The following PDZD2 variants were observed in gnomAD, a reference collection of about 807,000 sequenced individuals.
PDZD2 encodes PDZ domain containing 2.
A neutral mutation model predicts 220.7 loss-of-function variants in PDZD2; 90 were observed. The observed-to-expected ratio is 0.41, with a 90% CI of 0.34 to 0.49. The LOEUF is 0.49. Ranked by LOEUF, PDZD2 falls within the 20% of genes least tolerant of loss-of-function variation. The pLI is 0.28. For missense variants in PDZD2, 3,174 were observed against 3,608.5 expected, an observed-to-expected ratio of 0.88 and a Z score of 3.08; for synonymous variants, 1,375 against 1,450.5, an observed-to-expected ratio of 0.95 and a Z score of 1.18.
At chr5:31,942,785 G>A (rs542035707) in intron 2 of PDZD2, among the ~76,000 whole-genome samples, 2 of 152,342 alleles carry the variant, frequency 1.3e-5, no homozygotes, top group South Asian at 2.1e-4. Context: ...GTTCAAACCA[G>A]TGTCAGATGA....
At chr5:32,045,713 C>T (rs566068242) in intron 7 of PDZD2, among the ~76,000 whole-genome samples, 3 of 151,892 alleles carry the variant, frequency 2.0e-5, no homozygotes, top group Non-Finnish European at 4.4e-5. Context: ...AGGTGTGAGT[C>T]ACCGCGCCCA....
intron 6 of PDZD2, among the ~76,000 whole-genome samples, chr5:32,022,183 TTG>T (rs1754252971): frequency 1.1e-5 from 1 of 94,872 alleles, no homozygotes; most frequent in African/African-American, 3.7e-5. Context: ...TTTTGTTTTT[TTG>T]TTTTTTTGTT....
chr5:32,032,416 C>CGGTCGTTCCTTG (rs1755195973), intron 6 of PDZD2, among the ~76,000 whole-genome samples: 1 of 152,178 alleles, frequency 6.6e-6, no homozygotes, highest in Non-Finnish European at 1.5e-5. Flanking sequence ...TTCACTCTCT[C>CGGTCGTTCCTTG]GGTCGTTCCT....
intron 1 of PDZD2, among the ~76,000 whole-genome samples, chr5:31,669,501 C>A (rs925094464): frequency 1.3e-5 from 2 of 152,130 alleles, no homozygotes; most frequent in African/African-American, 2.4e-5. Context: ...GGCCTCATCT[C>A]CCGTGTGGAT....
chr5:31,880,796 T>C (rs1280982138), intron 2 of PDZD2, among the ~76,000 whole-genome samples: 2 of 99,462 alleles, frequency 2.0e-5, no homozygotes, highest in Non-Finnish European at 3.6e-5. Flanking sequence ...TTTTTCTTTT[T>C]TTTTTTTTTT....
At chr5:31,849,392 G>T (rs1757785261) in intron 2 of PDZD2, among the ~76,000 whole-genome samples, 1 of 151,922 alleles carries the variant, frequency 6.6e-6, no homozygotes, top group Non-Finnish European at 1.5e-5. Context: ...GCAAAAAAAT[G>T]AGATAATCTA....
Position 31,934,959 on chromosome 5 carries a change from C to T in PDZD2, c.477-48196C>T, listed in dbSNP as rs187336417. 2.4e-3 allele frequency among the ~76,000 whole-genome samples: 369 copies of T among 151,870 alleles called. 3 individuals carry two copies. Among genetic ancestry groups the T allele is most frequent in the Admixed American group, 0.016 (241 of 15,224 alleles). On this transcript the variant is annotated intron_variant, in intron 2 of 24. Transcript: ENST00000438447. ...AAAAATATCTGGGCATGGTGGCGGG[C>T]GCCTGTAATCCCAGCTACTCCAGGA...
rs75519132 is a variant in PDZD2 at position 31,990,389 on chromosome 5, C to T, written c.979-5187C>T. ...CTCCAACAACATTAGTGCAGAAGTCCATAGCATCCAGTTTTTCAGGGTTTG... is the reference window on the plus strand; with the variant it reads ...CTCCAACAACATTAGTGCAGAAGTCTATAGCATCCAGTTTTTCAGGGTTTG... On this transcript the variant is annotated intron_variant, in intron 3 of 24. Coordinates refer to ENST00000438447, the MANE Select transcript of PDZD2 (RefSeq NM_178140.4). Among the ~76,000 whole-genome samples the T allele has an allele frequency of 5.2e-3, 794 of 152,284 alleles. 9 individuals carry two copies. The highest frequency in any genetic ancestry group is 0.018 in the African/African-American group (746 of 41,540).
At position 31,982,891 on chromosome 5, in the gene PDZD2, A is replaced by G. The variant is rs563063828; in HGVS notation, c.477-264A>G. ...CTGTTCCTAGAAAAATCCTTCTCCA[A>G]CTCCTGATCCTACGGTACTTAAATT... is the stretch of plus-strand genomic sequence containing the variant. On this transcript the variant is annotated intron_variant, in intron 2 of 24. Transcript: ENST00000438447. 7.9e-5 allele frequency among the ~76,000 whole-genome samples: 12 copies of G among 151,846 alleles called. No homozygotes were observed. In the East Asian group the frequency reaches 2.3e-3, roughly 29 times the overall value.
intron 2 of PDZD2, among the ~76,000 whole-genome samples, chr5:31,963,806 A>C (rs1748467460): frequency 6.6e-6 from 1 of 152,170 alleles, no homozygotes; most frequent in Non-Finnish European, 1.5e-5. Flanking sequence ...GCTTGCAGTT[A>C]GCCCCACTCT....
At chr5:31,870,072 T>C (rs2150322659) in intron 2 of PDZD2, among the ~76,000 whole-genome samples, 1 of 152,326 alleles carries the variant, frequency 6.6e-6, no homozygotes, top group South Asian at 2.1e-4. Flanking sequence ...CATGCTGTCC[T>C]GTGGGAGAGG....
chr5:31,771,937 A>C (rs1752362314), intron 1 of PDZD2, among the ~76,000 whole-genome samples: 1 of 152,182 alleles, frequency 6.6e-6, no homozygotes, highest in Non-Finnish European at 1.5e-5. Context: ...TAGGCACTGG[A>C]ACCCTTTCTT....
At chr5:31,703,743 T>G (rs540184617) in intron 1 of PDZD2, among the ~76,000 whole-genome samples, 33 of 152,332 alleles carry the variant, frequency 2.2e-4, no homozygotes, top group Admixed American at 4.6e-4. Flanking sequence ...CATTCTCACA[T>G]TGCCCAATGC....
At chr5:32,049,399 G>C (rs976596836) in intron 8 of PDZD2, among the ~76,000 whole-genome samples, 2 of 152,190 alleles carry the variant, frequency 1.3e-5, no homozygotes, top group African/African-American at 4.8e-5. Flanking sequence ...TTAGCAGCTT[G>C]TCCCCAGCCC....
chr5:31,662,329 A>T (rs1161394709), intron 1 of PDZD2, among the ~76,000 whole-genome samples: 1 of 152,030 alleles, frequency 6.6e-6, no homozygotes, highest in Non-Finnish European at 1.5e-5. Flanking sequence ...TAAATAAATA[A>T]ATAATTCCTA....
At chr5:32,077,857 T>C in intron 19 of PDZD2, 2 of 396,848 alleles carry the variant, frequency 5.0e-6, no homozygotes, top group Non-Finnish European at 4.8e-6. Context: ...CTTGGGAGGC[T>C]GAGGCAGGAG....
At chr5:31,943,345 A>G (rs1746371977) in intron 2 of PDZD2, among the ~76,000 whole-genome samples, 1 of 152,190 alleles carries the variant, frequency 6.6e-6, no homozygotes, top group South Asian at 2.1e-4. Context: ...CTTATGATCC[A>G]GGAGACAGAA....
chr5:32,086,901 C>A (rs1490125834), intron 19 of PDZD2, among the ~76,000 whole-genome samples: 1 of 136,882 alleles, frequency 7.3e-6, no homozygotes, highest in Admixed American at 8.0e-5. Context: ...GTTGGCCAGG[C>A]TGGTCTCGAA....
chr5:31,886,846 T>C (rs35610773), intron 2 of PDZD2, among the ~76,000 whole-genome samples: 44,399 of 151,990 alleles, frequency 0.29, 7,706 homozygotes, highest in Admixed American at 0.38. Flanking sequence ...TACAGGCGCC[T>C]GCCACCACAC....
Sources: gnomAD v4.1 joint callset for allele counts (sites outside exome capture counted in the v4.1 genomes callset) on GRCh38, gnomAD v4.1.1 for gene constraint, MANE v1.5 for transcripts, NCBI Gene and HGNC (gene_info 2026-07-23, HGNC 2026-07-21) for gene names.